Variants in GMDS observed in about 807,000 individuals in gnomAD.
The protein encoded by GMDS is GDP-mannose 4,6 dehydratase.
GMDS carries 20 observed loss-of-function variants against 49.9 expected under a neutral mutation model. The ratio of observed to expected loss-of-function variants is 0.40; its 90% CI spans 0.28 to 0.58. The LOEUF (loss-of-function observed/expected upper bound fraction) is 0.58, where lower values mean the gene tolerates loss of function less well. Ranked by LOEUF, GMDS falls within the 20% of genes least tolerant of loss-of-function variation. The pLI is 0.42. For synonymous variants in GMDS, 177 were observed against 178.6 expected (o/e 0.99, Z 0.07); for missense variants, 362 against 481.4 (o/e 0.75, Z 2.32).
chr6:1,936,446 T>C (rs1282760064), intron 6 of GMDS, among the ~76,000 whole-genome samples: 3 of 152,112 alleles, frequency 2.0e-5, no homozygotes, highest in African/African-American at 7.2e-5. Context: ...GTGGGACTAA[T>C]CCCACCTCCT....
At chr6:1,874,598 G>A (rs1232196694) in intron 7 of GMDS, among the ~76,000 whole-genome samples, 2 of 152,128 alleles carry the variant, frequency 1.3e-5, no homozygotes, top group Non-Finnish European at 2.9e-5. Flanking sequence ...GCTCTTATAA[G>A]AGTTATATGT....
At chr6:2,105,708 A>T (rs1484594669) in intron 4 of GMDS, among the ~76,000 whole-genome samples, 2 of 152,240 alleles carry the variant, frequency 1.3e-5, no homozygotes, top group East Asian at 1.9e-4. Flanking sequence ...CTAAAAAAAT[A>T]AAAACCTGGC....
intron 9 of GMDS, among the ~76,000 whole-genome samples, chr6:1,677,028 C>A (rs918540033): frequency 6.6e-6 from 1 of 152,156 alleles, no homozygotes. Flanking sequence ...GCAATCTACC[C>A]ATCTGACAAA....
intron 9 of GMDS, among the ~76,000 whole-genome samples, chr6:1,713,296 T>C (rs1339653031): frequency 2.6e-5 from 4 of 152,204 alleles, no homozygotes; most frequent in Non-Finnish European, 4.4e-5. Flanking sequence ...TGGACTCCAG[T>C]GTGTGTTATC....
chr6:1,837,214 T>TG (rs774603298), intron 7 of GMDS, among the ~76,000 whole-genome samples: 3 of 152,224 alleles, frequency 2.0e-5, no homozygotes, highest in Non-Finnish European at 4.4e-5. Flanking sequence ...AAGTACAAGA[T>TG]TCTTAAATGT....
intron 4 of GMDS, among the ~76,000 whole-genome samples, chr6:2,035,591 A>G (rs1581550783): frequency 6.6e-6 from 1 of 152,188 alleles, no homozygotes. Flanking sequence ...ATTTGTGTCA[A>G]TTATATCAAT....
intron 6 of GMDS, among the ~76,000 whole-genome samples, chr6:1,953,635 A>G (rs1302043773): frequency 2.0e-5 from 3 of 152,350 alleles, no homozygotes; most frequent in Non-Finnish European, 4.4e-5. Context: ...TATGTGATGA[A>G]CAGTAGTTAT....
At chr6:2,210,264 C>T (rs1780004474) in intron 1 of GMDS, among the ~76,000 whole-genome samples, 2 of 152,254 alleles carry the variant, frequency 1.3e-5, no homozygotes, top group African/African-American at 4.8e-5. Flanking sequence ...CTCCATAAGC[C>T]TCAGTTTCTG....
At chr6:2,182,615 T>C (rs1328813007) in intron 1 of GMDS, among the ~76,000 whole-genome samples, 2 of 152,238 alleles carry the variant, frequency 1.3e-5, no homozygotes, top group African/African-American at 2.4e-5. Flanking sequence ...TTCTGTGCTA[T>C]AAATGAAACA....
intron 1 of GMDS, among the ~76,000 whole-genome samples, chr6:2,211,567 C>G (rs1462481460): frequency 6.6e-6 from 1 of 151,990 alleles, no homozygotes; most frequent in African/African-American, 2.4e-5. Flanking sequence ...TCAAAATAAA[C>G]CAAAAGGATG....
At chr6:1,815,527 A>C (rs1169664131) in intron 7 of GMDS, among the ~76,000 whole-genome samples, 2 of 152,242 alleles carry the variant, frequency 1.3e-5, no homozygotes, top group Non-Finnish European at 2.9e-5. Context: ...CACTTGGTGA[A>C]TATGGCCATG....
At chr6:2,170,313 A>G (rs1777921063) in intron 1 of GMDS, among the ~76,000 whole-genome samples, 1 of 152,174 alleles carries the variant, frequency 6.6e-6, no homozygotes, top group Non-Finnish European at 1.5e-5. Flanking sequence ...CCTTGTTACC[A>G]TATGTTCTAA....
chr6:1,979,433 G>A (rs1203560969), intron 4 of GMDS, among the ~76,000 whole-genome samples: 1 of 152,100 alleles, frequency 6.6e-6, no homozygotes, highest in African/African-American at 2.4e-5. Context: ...ACCAAGTGGA[G>A]AAAAGAATCT....
At chr6:2,090,306 A>C (rs1162402093) in intron 4 of GMDS, among the ~76,000 whole-genome samples, 1 of 152,206 alleles carries the variant, frequency 6.6e-6, no homozygotes, top group Admixed American at 6.5e-5. Context: ...TCCGATGGTA[A>C]AGAGTAGGAA....
At chr6:2,127,996 C>T (rs9503102) in intron 1 of GMDS, among the ~76,000 whole-genome samples, 16,711 of 152,172 alleles carry the variant, frequency 0.11, 3,035 homozygotes, top group African/African-American at 0.38. Flanking sequence ...GTATAAAGTC[C>T]TGCCTAGGTT....
intron 6 of GMDS, among the ~76,000 whole-genome samples, chr6:1,942,011 CTA>C (rs1429749809): frequency 6.6e-6 from 1 of 152,234 alleles, no homozygotes; most frequent in African/African-American, 2.4e-5. Flanking sequence ...CTTCGCACAC[CTA>C]TGCTGACTGC....
At chr6:1,650,088 G>T (rs1254469633) in intron 9 of GMDS, among the ~76,000 whole-genome samples, 1 of 152,192 alleles carries the variant, frequency 6.6e-6, no homozygotes, top group Non-Finnish European at 1.5e-5. Flanking sequence ...GGCAATGCTG[G>T]CCGTAATCAT....
At chr6:2,164,579 G>A (rs1777567851) in intron 1 of GMDS, among the ~76,000 whole-genome samples, 1 of 152,174 alleles carries the variant, frequency 6.6e-6, no homozygotes, top group South Asian at 2.1e-4. Context: ...AGAATTTAGG[G>A]TTCGATATCC....
chr6:1,978,518 G>A (rs761924111), intron 4 of GMDS, among the ~76,000 whole-genome samples: 3 of 152,256 alleles, frequency 2.0e-5, no homozygotes, highest in Non-Finnish European at 4.4e-5. Flanking sequence ...GCAGGACTCC[G>A]TTATACTCCT....
Sources: allele counts gnomAD v4.1 joint callset (sites outside exome capture counted in the v4.1 genomes callset), GRCh38; gene constraint gnomAD v4.1.1; transcripts MANE v1.5; gene names NCBI Gene and HGNC (gene_info 2026-07-23, HGNC 2026-07-21).